The following CATSPERG variants were observed in gnomAD, a reference collection of about 807,000 sequenced individuals.
CATSPERG encodes catsper channel auxiliary subunit gamma, also known as cation channel sperm-associated auxiliary subunit gamma.
A neutral mutation model predicts 145.0 loss-of-function variants in CATSPERG; 115 were observed. The ratio of observed to expected loss-of-function variants is 0.79; its 90% confidence interval spans 0.68 to 0.93. The LOEUF (loss-of-function observed/expected upper bound fraction) is 0.93, where lower values mean the gene tolerates loss of function less well. Ranked by LOEUF, CATSPERG falls within the 40% of genes least tolerant of loss-of-function variation. The probability of loss-of-function intolerance (pLI) is 0.00; values close to 1 mark genes in which losing one functional copy is unlikely to be tolerated. For missense variants in CATSPERG, 1,296 were observed against 1,490.1 expected (o/e 0.87, Z 2.14); for synonymous variants, 588 against 589.0 (o/e 1.00, Z 0.02).
chr19:38,347,904 G>A (rs2145075984), intron 7 of CATSPERG, among the ~76,000 whole-genome samples: 1 of 149,042 alleles, frequency 6.7e-6, no homozygotes, highest in East Asian at 2.0e-4. Context: ...TCGTACCACT[G>A]TACTCCAGCC....
At position 38,370,793 on chromosome 19, in the gene CATSPERG, G is replaced by A; in HGVS notation, c.*1G>A. On this transcript the variant is annotated 3_prime_UTR_variant, in exon 29 of 29. Coordinates refer to ENST00000409235, the MANE Select transcript of CATSPERG (RefSeq NM_021185.5). The stretch of plus-strand genomic sequence containing the variant: ...CGTGGAGAGACAGTTGATGACCTGA[G>A]TGTCCCACCTGCCCCAGCCCCCAGT... The A allele has an allele frequency of 6.2e-7, 1 of 1,611,826 alleles. No homozygotes were observed.
intron 6 of CATSPERG, among the ~76,000 whole-genome samples, chr19:38,344,597 A>T (rs1002702925): frequency 6.6e-6 from 1 of 152,080 alleles, no homozygotes; most frequent in African/African-American, 2.4e-5. Context: ...CCATTTTCCC[A>T]TAGTCCCTCA....
chr19:38,367,350 C>T (rs1261223002), intron 23 of CATSPERG, 38 bp downstream of exon 23: 3 of 1,595,652 alleles, frequency 1.9e-6, no homozygotes, highest in South Asian at 1.1e-5. Context: ...AGTTCACTGC[C>T]CTCTTGCCCC....
At chr19:38,341,622 C>T (rs1969939359) in intron 3 of CATSPERG, among the ~76,000 whole-genome samples, 1 of 152,130 alleles carries the variant, frequency 6.6e-6, no homozygotes, top group South Asian at 2.1e-4. Flanking sequence ...AAAAATTGGG[C>T]CGGGCATAGT....
chr19:38,354,518 G>C (rs1005317418), intron 8 of CATSPERG, among the ~76,000 whole-genome samples, 192 bp from the exon 9 acceptor site: 2 of 152,220 alleles, frequency 1.3e-5, no homozygotes, highest in African/African-American at 4.8e-5. Context: ...CTCATGGACA[G>C]AGTGTGAGCA....
chr19:38,364,515 G>A (rs1183939953), intron 20 of CATSPERG, among the ~76,000 whole-genome samples: 2 of 152,150 alleles, frequency 1.3e-5, no homozygotes, highest in Non-Finnish European at 2.9e-5. Context: ...CTTCCCAGAC[G>A]GGGTGGCGGC....
In CATSPERG at chr19:38,359,883, AAC is replaced by A. The variant is rs56941015; in HGVS notation, c.1608+306_1608+307del. 3.6e-3 allele frequency: 4,008 copies of A among 1,125,878 alleles called. 110 individuals are homozygous for A. The African/African-American group carries it at 0.057, about 16-fold the overall frequency. 69.7% of individuals were successfully genotyped at this position (1,125,878 alleles called of 1,614,324 possible). Reference sequence around the variant, plus strand: ...CTGTGTGCCTGCCCCCGTGCTGGAGAACACAGAGTGATCAGGGCTGCAATGGG... The same window carrying A: ...CTGTGTGCCTGCCCCCGTGCTGGAGAACAGAGTGATCAGGGCTGCAATGGG... On this transcript the variant is annotated intron_variant, in intron 14 of 28. Coordinates refer to ENST00000409235, the MANE Select transcript of CATSPERG (RefSeq NM_021185.5).
At chr19:38,367,479 T>G (rs776771182) in intron 23 of CATSPERG, 30 bp from the exon 24 acceptor site, 26 of 1,606,898 alleles carry the variant, frequency 1.6e-5, no homozygotes, top group Non-Finnish European at 2.2e-5. Context: ...TAATTTCTTC[T>G]TCTGGTCTCA....
chr19:38,350,035 T>G (rs1970110646), intron 7 of CATSPERG, among the ~76,000 whole-genome samples: 1 of 152,148 alleles, frequency 6.6e-6, no homozygotes, highest in African/African-American at 2.4e-5. Context: ...CACCATCCCC[T>G]GGGCTCAAGG....
intron 6 of CATSPERG, among the ~76,000 whole-genome samples, chr19:38,344,660 T>C (rs1969997219): frequency 6.6e-6 from 1 of 151,464 alleles, no homozygotes; most frequent in African/African-American, 2.4e-5. Context: ...CACCTGTACA[T>C]CCATACCTGT....
intron 8 of CATSPERG, among the ~76,000 whole-genome samples, chr19:38,353,236 A>G (rs1346971673): frequency 6.6e-6 from 1 of 150,866 alleles, no homozygotes; most frequent in African/African-American, 2.4e-5. Context: ...CAGGAGGCTG[A>G]GAAAGGAGAA....
rs1416332798 is a variant in CATSPERG at position 38,367,283 on chromosome 19, C to T, written c.2741C>T (p.Pro914Leu). The change falls in exon 23 of 29, where the codon CCG (proline) becomes CTG (leucine). Residue 914 changes from proline (P) to leucine (L), a missense_variant. Physicochemically the swap from Pro to Leu is moderately conservative, Grantham distance 98. Coordinates refer to ENST00000409235, the MANE Select transcript of CATSPERG (RefSeq NM_021185.5). The part of the protein sequence containing the change: ...KHYFDCVNVN[P>L]EMPCFLFRDI... ...TACTTTGACTGCGTTAACGTGAACC[C>T]GGAGATGCCCTGCTTTCTCTTCCGG... 9 of 1,613,250 alleles carry T rather than the reference C, an allele frequency of 5.6e-6. No individual in the cohort carries two copies. Among genetic ancestry groups the T allele is most frequent in the Admixed American group, 3.3e-5 (2 of 60,000 alleles).
intron 7 of CATSPERG, among the ~76,000 whole-genome samples, chr19:38,348,665 G>C (rs1018006169): frequency 6.6e-6 from 1 of 151,626 alleles, no homozygotes; most frequent in Non-Finnish European, 1.5e-5. Context: ...TACAGATGGG[G>C]TTTCACTATG....
chr19:38,348,398 C>T (rs1970076517), intron 7 of CATSPERG, among the ~76,000 whole-genome samples: 1 of 151,668 alleles, frequency 6.6e-6, no homozygotes, highest in Non-Finnish European at 1.5e-5. Flanking sequence ...TGCCCTTAAG[C>T]AATCCTCCCA....
intron 6 of CATSPERG, among the ~76,000 whole-genome samples, chr19:38,345,507 ATTTT>A (rs371421306): frequency 1.5e-5 from 2 of 130,244 alleles, no homozygotes; most frequent in Non-Finnish European, 3.3e-5. Flanking sequence ...CCCATATTCA[ATTTT>A]TTTTTTTTTT....
chr19:38,353,272 T>G (rs1435988963), intron 8 of CATSPERG, among the ~76,000 whole-genome samples: 1 of 151,662 alleles, frequency 6.6e-6, no homozygotes. Context: ...AAGCAGAGCT[T>G]GCAGTGAGCT....
intron 26 of CATSPERG, 72 bp downstream of exon 26, chr19:38,368,209 C>A: frequency 7.7e-7 from 1 of 1,300,458 alleles, no homozygotes; most frequent in Non-Finnish European, 1.1e-6. Flanking sequence ...TCCTTTCTGC[C>A]CCTAGGAGGC....
rs1043374016 is a variant in CATSPERG at position 38,360,117 on chromosome 19, C to T, written c.1609-372C>T. On this transcript the variant is annotated intron_variant, in intron 14 of 28. Transcript: ENST00000409235. ...CAGTGCAGAGATGGGAAACTGAGGC[C>T]AGGGAAATGGTGAGACCCTGGAAGC... 8.1e-6 allele frequency: 8 copies of T among 984,810 alleles called. No individual in the cohort carries two copies. In the African/African-American group the frequency reaches 1.4e-4, roughly 17 times the overall value. 61.0% of individuals were successfully genotyped at this position (984,810 alleles called of 1,614,324 possible). A position where few individuals can be genotyped will look rare whatever the true frequency, so the allele number is the denominator to read the frequency against.
chr19:38,336,327 G>C, intron 1 of CATSPERG: 1 of 412,612 alleles, frequency 2.4e-6, no homozygotes, highest in Non-Finnish European at 5.0e-6. Flanking sequence ...AAGGGGCAGG[G>C]CGAGGAGGAG....
Sources: allele counts gnomAD v4.1 joint callset (sites outside exome capture counted in the v4.1 genomes callset), GRCh38; gene constraint gnomAD v4.1.1; transcripts MANE v1.5; gene names NCBI Gene and HGNC (gene_info 2026-07-23, HGNC 2026-07-21).